Variants in ARHGAP18 observed in about 807,000 individuals in gnomAD.
The protein encoded by ARHGAP18 is rho GTPase-activating protein 18.
A neutral mutation model predicts 86.2 loss-of-function variants in ARHGAP18; 67 were observed. The observed-to-expected ratio is 0.78, with a 90% CI of 0.64 to 0.95. The LOEUF (loss-of-function observed/expected upper bound fraction) is 0.95. Ranked by LOEUF, ARHGAP18 falls within the 40% of genes least tolerant of loss-of-function variation. The pLI is 0.00. For synonymous variants in ARHGAP18, 283 were observed against 280.4 expected (o/e 1.01, Z -0.09); for missense variants, 691 against 780.4 (o/e 0.89, Z 1.37).
chr6:129,683,851 G>A lies in ARHGAP18; in HGVS notation c.113+26173C>T, dbSNP rs959418656. ...GTGGGCATACCTGGAAAGTAACGTG[G>A]AGGTGTAACCACGGCGGGGGGGAGT... is the stretch of plus-strand genomic sequence containing the variant. On this transcript the variant is annotated intron_variant, in intron 1 of 14. Coordinates refer to ENST00000368149, the MANE Select transcript of ARHGAP18 (RefSeq NM_033515.3). Among the ~76,000 whole-genome samples the A allele has an allele frequency of 1.3e-4, 20 of 152,326 alleles. 1 individual carries two copies. Among genetic ancestry groups the A allele is most frequent in the African/African-American group, 4.6e-4 (19 of 41,568 alleles).
intron 5 of ARHGAP18, among the ~76,000 whole-genome samples, chr6:129,619,092 G>A (rs897432718): frequency 6.7e-6 from 1 of 149,952 alleles, no homozygotes; most frequent in African/African-American, 2.5e-5. Context: ...CGCAAACTCG[G>A]AGTATTAATA....
chr6:129,706,169 T>C (rs1774798622), intron 1 of ARHGAP18, among the ~76,000 whole-genome samples: 1 of 152,150 alleles, frequency 6.6e-6, no homozygotes, highest in African/African-American at 2.4e-5. Context: ...TCTCTTAAAA[T>C]GGGAAGGTAA....
At position 129,630,403 on chromosome 6, in the gene ARHGAP18, T is replaced by A. The variant is rs6919943; in HGVS notation, c.617-881A>T. 5.2e-3 allele frequency among the ~76,000 whole-genome samples: 798 copies of A among 152,310 alleles called. 8 individuals carry two copies. The highest frequency in any genetic ancestry group is 0.018 in the African/African-American group (741 of 41,570). On this transcript the variant is annotated intron_variant, in intron 4 of 14. Coordinates refer to ENST00000368149, the MANE Select transcript of ARHGAP18 (RefSeq NM_033515.3). ...AAAACCTAAAGCCAAGAACCAAGAT[T>A]ACTGATTTTCTCACTGTTGACCTTT...
intron 12 of ARHGAP18, among the ~76,000 whole-genome samples, chr6:129,589,128 C>T (rs1788460812): frequency 6.6e-6 from 1 of 152,200 alleles, no homozygotes; most frequent in Admixed American, 6.5e-5. Flanking sequence ...TTCCCATTGT[C>T]TTGGTGATTA....
intron 1 of ARHGAP18, among the ~76,000 whole-genome samples, chr6:129,690,148 T>G (rs1774500831): frequency 6.6e-6 from 1 of 151,974 alleles, no homozygotes; most frequent in African/African-American, 2.4e-5. Context: ...TGTGTGTATG[T>G]GGTGTGTGTG....
chr6:129,613,672 C>G (rs1037459953), intron 7 of ARHGAP18, among the ~76,000 whole-genome samples: 1 of 152,110 alleles, frequency 6.6e-6, no homozygotes. Flanking sequence ...GTACATATAT[C>G]GTCAGAAGGA....
At chr6:129,600,554 A>G in intron 11 of ARHGAP18, 88 bp downstream of exon 11, 1 of 1,159,098 alleles carries the variant, frequency 8.6e-7, no homozygotes, top group Non-Finnish European at 1.2e-6. Context: ...TGCACTCACA[A>G]ATTTTAAATG....
In ARHGAP18 at chr6:129,705,925, G is replaced by A. The variant is rs1208923501; in HGVS notation, c.113+4099C>T. ...GTTGGCCCCAGAACCCAGGGTTTCT[G>A]GGTTTATGTCACCCCTGTGTAGTGC... On this transcript the variant is annotated intron_variant, in intron 1 of 14. Transcript: ENST00000368149. 2.0e-5 allele frequency among the ~76,000 whole-genome samples: 3 copies of A among 152,144 alleles called. No homozygotes were observed. In the East Asian group the frequency reaches 5.8e-4, roughly 29 times the overall value.
chr6:129,627,961 T>C (rs1410203839), intron 5 of ARHGAP18, among the ~76,000 whole-genome samples: 2 of 152,096 alleles, frequency 1.3e-5, no homozygotes, highest in African/African-American at 4.8e-5. Flanking sequence ...CAGAGATGTA[T>C]TTCAAAATAA....
At chr6:129,703,139 T>C (rs1584123908) in intron 1 of ARHGAP18, among the ~76,000 whole-genome samples, 1 of 152,192 alleles carries the variant, frequency 6.6e-6, no homozygotes, top group Non-Finnish European at 1.5e-5. Flanking sequence ...GGGTGCTGGG[T>C]TCTTTTTCTA....
chr6:129,618,021 G>A (rs902270951), intron 6 of ARHGAP18, among the ~76,000 whole-genome samples: 1 of 148,736 alleles, frequency 6.7e-6, no homozygotes, highest in African/African-American at 2.5e-5. Context: ...AATTACTGGA[G>A]AAACAAAAAC....
intron 12 of ARHGAP18, among the ~76,000 whole-genome samples, chr6:129,591,404 A>G (rs1378248160): frequency 1.3e-5 from 2 of 152,096 alleles, no homozygotes; most frequent in Non-Finnish European, 2.9e-5. Flanking sequence ...AGGACTGGAG[A>G]AGGGCAGTAT....
intron 1 of ARHGAP18, among the ~76,000 whole-genome samples, chr6:129,644,421 A>G (rs73592427): frequency 0.017 from 2,618 of 152,284 alleles, 80 homozygotes; most frequent in African/African-American, 0.059. Flanking sequence ...CAGCAGCTCA[A>G]CTTATCTGTA....
chr6:129,687,061 T>C (rs1352477337), intron 1 of ARHGAP18, among the ~76,000 whole-genome samples: 1 of 148,942 alleles, frequency 6.7e-6, no homozygotes, highest in Non-Finnish European at 1.5e-5. Flanking sequence ...TAACCTCAGG[T>C]TATTCACACA....
At chr6:129,633,384 A>C (rs1364614515) in intron 4 of ARHGAP18, among the ~76,000 whole-genome samples, 22 of 151,006 alleles carry the variant, frequency 1.5e-4, no homozygotes, top group Non-Finnish European at 1.5e-5. Flanking sequence ...GCAGTGAGCC[A>C]AGACGACGCC....
intron 5 of ARHGAP18, 70 bp downstream of exon 5, chr6:129,629,283 A>C: frequency 7.9e-7 from 1 of 1,266,834 alleles, no homozygotes; most frequent in South Asian, 1.4e-5. Context: ...GTGTGTGTGT[A>C]TGTATATGTG....
At chr6:129,705,320 G>C (rs190056457) in intron 1 of ARHGAP18, among the ~76,000 whole-genome samples, 192 of 152,308 alleles carry the variant, frequency 1.3e-3, no homozygotes, top group African/African-American at 4.5e-3. Context: ...CTGGGCAGTA[G>C]TAGTTCTTAA....
rs759647793 is a variant in ARHGAP18, at chr6:129,629,497, T to C, written c.642A>G (p.Glu214=). The C allele has an allele frequency of 8.1e-6, 13 of 1,613,402 alleles. No homozygotes were observed. The South Asian group carries it at 1.3e-4, about 16-fold the overall frequency. ...TCTCCTCAGGTGGGATCAGCTTCTC[T>C]TCACCAACAAGGTTAGATGCCTCGT... ...RDDEASNLVG[E]EKLIPPEETP... Residue 214 remains glutamate (E), a synonymous_variant, in exon 5 of 15, where the codon GAA becomes GAG. Coordinates refer to ENST00000368149, the MANE Select transcript of ARHGAP18 (RefSeq NM_033515.3).
At chr6:129,578,988 A>T (rs932843387) in intron 14 of ARHGAP18, among the ~76,000 whole-genome samples, 6 of 148,810 alleles carry the variant, frequency 4.0e-5, no homozygotes, top group Non-Finnish European at 3.0e-5. Context: ...TAATAATAAT[A>T]AAAAAAAAAC....
Sources: gnomAD v4.1 joint callset for allele counts (sites outside exome capture counted in the v4.1 genomes callset) on GRCh38, gnomAD v4.1.1 for gene constraint, MANE v1.5 for transcripts, NCBI Gene and HGNC (gene_info 2026-07-23, HGNC 2026-07-21) for gene names.